Variants in MAST4 observed in about 807,000 individuals in gnomAD.
MAST4 encodes microtubule-associated serine/threonine-protein kinase 4.
A neutral mutation model predicts 162.7 loss-of-function variants in MAST4; 89 were observed. The ratio of observed to expected loss-of-function variants is 0.55; its 90% CI spans 0.46 to 0.65. The LOEUF (loss-of-function observed/expected upper bound fraction) is 0.65. MAST4 is among the 30% of genes least tolerant of loss of function. The pLI, the probability that MAST4 is intolerant of heterozygous loss-of-function variation, is 0.00. For missense variants in MAST4, 3,153 were observed against 3,374.0 expected (o/e 0.93, Z 1.62); for synonymous variants, 1,479 against 1,361.1 (o/e 1.09, Z -1.91).
At chr5:66,960,140 G>T (rs1269808058) in intron 4 of MAST4, among the ~76,000 whole-genome samples, 1 of 152,200 alleles carries the variant, frequency 6.6e-6, no homozygotes, top group Non-Finnish European at 1.5e-5. Context: ...ACATTTCAGT[G>T]AATTCTGTAC....
intron 1 of MAST4, among the ~76,000 whole-genome samples, chr5:66,748,220 C>T (rs114568786): frequency 0.01 from 1,546 of 152,124 alleles, 12 homozygotes; most frequent in South Asian, 0.05. Context: ...AGTTTCGTTC[C>T]TTGCCCTTTT....
At chr5:66,725,601 A>G (rs1202475890) in intron 1 of MAST4, among the ~76,000 whole-genome samples, 1 of 152,206 alleles carries the variant, frequency 6.6e-6, no homozygotes, top group Non-Finnish European at 1.5e-5. Context: ...AAAACTTCTT[A>G]GATGGGCTGC....
intron 1 of MAST4, among the ~76,000 whole-genome samples, chr5:66,661,092 A>G (rs1401638008): frequency 2.6e-5 from 4 of 152,296 alleles, no homozygotes; most frequent in East Asian, 1.9e-4. Flanking sequence ...CCTAGTGTCT[A>G]TATCAGTCAG....
chr5:66,979,980 A>G (rs1748586885), intron 4 of MAST4, among the ~76,000 whole-genome samples: 1 of 151,412 alleles, frequency 6.6e-6, no homozygotes, highest in African/African-American at 2.5e-5. Flanking sequence ...GTCGAGGGAA[A>G]ATCCTCAGGC....
chr5:66,938,775 A>G (rs901437832), intron 4 of MAST4, among the ~76,000 whole-genome samples: 1 of 152,186 alleles, frequency 6.6e-6, no homozygotes, highest in African/African-American at 2.4e-5. Flanking sequence ...TTCCAGTGTG[A>G]AACAAATATT....
At chr5:66,621,273 A>G (rs1744059277) in intron 1 of MAST4, among the ~76,000 whole-genome samples, 1 of 152,236 alleles carries the variant, frequency 6.6e-6, no homozygotes, top group South Asian at 2.1e-4. Flanking sequence ...GCACTACTGT[A>G]AGGCAACTTA....
intron 3 of MAST4, among the ~76,000 whole-genome samples, chr5:66,792,920 G>A (rs1212284647): frequency 6.6e-6 from 1 of 152,182 alleles, no homozygotes; most frequent in Non-Finnish European, 1.5e-5. Context: ...TTTATGTCCA[G>A]ATGATAGCAT....
At chr5:67,123,871 C>T (rs1042979762) in intron 14 of MAST4, among the ~76,000 whole-genome samples, 2 of 152,168 alleles carry the variant, frequency 1.3e-5, no homozygotes, top group South Asian at 2.1e-4. Context: ...GCCAAAGAGG[C>T]GCATGTGTGC....
At chr5:66,799,891 G>A (rs1755832065) in intron 3 of MAST4, among the ~76,000 whole-genome samples, 1 of 152,168 alleles carries the variant, frequency 6.6e-6, no homozygotes, top group Non-Finnish European at 1.5e-5. Flanking sequence ...TCTGGAAAAT[G>A]GGAATATTAA....
chr5:66,855,254 C>T (rs1759593835), intron 3 of MAST4, among the ~76,000 whole-genome samples: 1 of 152,134 alleles, frequency 6.6e-6, no homozygotes, highest in African/African-American at 2.4e-5. Flanking sequence ...TCTTCCCCAC[C>T]TGCCTCTCTC....
At position 66,920,981 on chromosome 5, in the gene MAST4, C is replaced by T. The variant is rs147869859; in HGVS notation, c.674+20999C>T. ...GCTGTGACTGTGGAGTTTATTATTCCCAAAGCCAGAAAAATCACAGCGGCT... is the reference window on the plus strand; with the variant it reads ...GCTGTGACTGTGGAGTTTATTATTCTCAAAGCCAGAAAAATCACAGCGGCT... On this transcript the variant is annotated intron_variant, in intron 4 of 28. Transcript: ENST00000403625. Among the ~76,000 whole-genome samples, 835 of 152,034 alleles carry T rather than the reference C, an allele frequency of 5.5e-3. 11 individuals carry two copies. Among genetic ancestry groups the T allele is most frequent in the African/African-American group, 0.02 (809 of 41,478 alleles).
At chr5:67,014,277 T>C (rs597350) in intron 4 of MAST4, among the ~76,000 whole-genome samples, 76,808 of 152,008 alleles carry the variant, frequency 0.51, 20,654 homozygotes, top group African/African-American at 0.7. Context: ...GGCACATCAG[T>C]TGCCTTGGCA....
rs1162609700 is a variant in MAST4, at chr5:67,078,708, T to C, written c.764-11454T>C. On this transcript the variant is annotated intron_variant, in intron 5 of 28. Coordinates refer to ENST00000403625, the MANE Select transcript of MAST4 (RefSeq NM_001164664.2). ...TTTATATTTATATATTTATATATAA[T>C]ATTTATTTATATTATATTTATATTT... Among the ~76,000 whole-genome samples, 9 of 118,732 alleles carry C rather than the reference T, an allele frequency of 7.6e-5. No homozygotes were observed. In the East Asian group the frequency reaches 1.8e-3, roughly 24 times the overall value. The allele number at this position is 118,732 out of a possible 152,430, so 77.9% of individuals were successfully genotyped here.
At chr5:67,071,428 A>G (rs1581435315) in intron 5 of MAST4, among the ~76,000 whole-genome samples, 1 of 152,106 alleles carries the variant, frequency 6.6e-6, no homozygotes, top group African/African-American at 2.4e-5. Flanking sequence ...ATAACAGTCC[A>G]TGGATCTTTC....
intron 1 of MAST4, among the ~76,000 whole-genome samples, chr5:66,733,363 T>C (rs1473192948): frequency 1.3e-5 from 2 of 152,142 alleles, no homozygotes; most frequent in African/African-American, 2.4e-5. Flanking sequence ...TTTACAAATA[T>C]GGTTTCCTTT....
chr5:66,957,935 T>A (rs1413660407), intron 4 of MAST4, among the ~76,000 whole-genome samples: 1 of 152,204 alleles, frequency 6.6e-6, no homozygotes, highest in African/African-American at 2.4e-5. Context: ...CATCCCTGCT[T>A]AGGCAGACCT....
At chr5:66,659,151 G>A (rs1746741025) in intron 1 of MAST4, among the ~76,000 whole-genome samples, 1 of 152,192 alleles carries the variant, frequency 6.6e-6, no homozygotes, top group African/African-American at 2.4e-5. Context: ...GAGTGGGAAG[G>A]GGTGGGTCCC....
In MAST4 at chr5:67,164,516, C is replaced by T. The variant is rs750534138; in HGVS notation, c.5337C>T (p.Ser1779=). 8 of 1,613,988 alleles carry T rather than the reference C, an allele frequency of 5.0e-6. No individual in the cohort carries two copies. Among genetic ancestry groups the T allele is most frequent in the Non-Finnish European group, 6.8e-6 (8 of 1,179,874 alleles). Residue 1779 remains serine (S), a synonymous_variant, in exon 29 of 29, where the codon TCC becomes TCT. Transcript: ENST00000403625. This position sits in a 1 kb window ranked among gnomAD's most constrained non-coding sequence, Gnocchi z 5.3. The part of the protein sequence containing the change: ...TEKPGLVAPE[S]PVRKSPSEYK... ...AGCCTGGCTTGGTTGCTCCTGAGTCCCCTGTTAGGAAGAGCCCCTCCGAGT... is the reference window on the plus strand; with the variant it reads ...AGCCTGGCTTGGTTGCTCCTGAGTCTCCTGTTAGGAAGAGCCCCTCCGAGT...
At chr5:66,699,851 AAACC>A (rs140180684) in intron 1 of MAST4, among the ~76,000 whole-genome samples, 1,548 of 152,214 alleles carry the variant, frequency 0.01, 4 homozygotes, top group Middle Eastern at 0.02. Context: ...TGGGTGCAGC[AAACC>A]ACCGTGGCAC....
Sources: allele counts gnomAD v4.1 joint callset (sites outside exome capture counted in the v4.1 genomes callset), GRCh38; gene constraint gnomAD v4.1.1; non-coding constraint Gnocchi (gnomAD v3.1); transcripts MANE v1.5; gene names NCBI Gene and HGNC (gene_info 2026-07-23, HGNC 2026-07-21).